Variants in USP25 observed in about 807,000 individuals in gnomAD.
The protein encoded by USP25 is ubiquitin specific peptidase 25, also known as ubiquitin carboxyl-terminal hydrolase 25.
Under a neutral mutation model 158.5 loss-of-function variants are expected in USP25, and 85 were observed. The ratio of observed to expected loss-of-function variants is 0.54; its 90% CI spans 0.45 to 0.64. The LOEUF is 0.64. USP25 is among the 30% of genes least tolerant of loss of function. USP25 has a pLI of 0.00. For synonymous variants in USP25, 464 were observed against 460.4 expected (o/e 1.01, Z -0.10); for missense variants, 1,242 against 1,327.3 (o/e 0.94, Z 1.00).
chr21:15,789,937 C>T (rs1173990364), intron 4 of USP25, among the ~76,000 whole-genome samples: 2 of 151,918 alleles, frequency 1.3e-5, no homozygotes, highest in African/African-American at 4.8e-5. Flanking sequence ...TGAGCATAAA[C>T]CAGTCTTGAA....
intron 9 of USP25, among the ~76,000 whole-genome samples, chr21:15,815,612 T>C (rs1293891191): frequency 6.6e-6 from 1 of 152,160 alleles, no homozygotes; most frequent in Non-Finnish European, 1.5e-5. Context: ...AGCCTTAAAA[T>C]TTGACTGCCC....
At position 15,861,891 on chromosome 21, in the gene USP25, A is replaced by C. The variant is rs75859184; in HGVS notation, c.2548-2377A>C. On this transcript the variant is annotated intron_variant, in intron 20 of 25. Coordinates refer to ENST00000400183, the MANE Select transcript of USP25 (RefSeq NM_001283041.3). Reference sequence around the variant, plus strand: ...TACCTCTGCTGGTTTAAACACCTATATACTGAAAAATACTGTGACTTTGGC... The same window carrying C: ...TACCTCTGCTGGTTTAAACACCTATCTACTGAAAAATACTGTGACTTTGGC... 9.5e-3 allele frequency among the ~76,000 whole-genome samples: 1,441 copies of C among 152,240 alleles called. 20 individuals carry two copies. Among genetic ancestry groups the C allele is most frequent in the African/African-American group, 0.033 (1,371 of 41,560 alleles).
At position 15,843,853 on chromosome 21, in the gene USP25, TTAA is replaced by T. The variant is rs980555900; in HGVS notation, c.2337+1315_2337+1317del. The stretch of plus-strand genomic sequence containing the variant: ...TATTTGTTAAAGGCCTAAATTATGA[TTAA>T]TGAGTGTCACTTTTTAAGCTGGTAT... On this transcript the variant is annotated intron_variant, in intron 18 of 25. Coordinates refer to ENST00000400183, the MANE Select transcript of USP25 (RefSeq NM_001283041.3). The surrounding 1 kb of genome is among the most constrained non-coding windows in gnomAD (Gnocchi z 4.0). Among the ~76,000 whole-genome samples the T allele has an allele frequency of 7.2e-5, 11 of 152,172 alleles. No individual in the cohort carries two copies. Among genetic ancestry groups the T allele is most frequent in the African/African-American group, 2.7e-4 (11 of 41,462 alleles).
In USP25 at chr21:15,791,455, A is replaced by G. The variant is rs1193747090; in HGVS notation, c.393-47A>G. The G allele has an allele frequency of 3.9e-6, 6 of 1,519,544 alleles. No individual in the cohort carries two copies. The South Asian group carries it at 7.7e-5, about 20-fold the overall frequency. 94.1% of individuals were successfully genotyped at this position (1,519,544 alleles called of 1,614,324 possible). ...TTTTAGAATGTGTGATATGCCTGGG[A>G]TATATACCATTATATAATGCTGCAT... is the stretch of plus-strand genomic sequence containing the variant. On this transcript the variant is annotated intron_variant, in intron 4 of 25. Coordinates refer to ENST00000400183, the MANE Select transcript of USP25 (RefSeq NM_001283041.3).
intron 10 of USP25, among the ~76,000 whole-genome samples, chr21:15,823,141 A>G (rs1041843085): frequency 6.6e-6 from 1 of 152,174 alleles, no homozygotes; most frequent in Admixed American, 6.5e-5. Context: ...ATCACACACA[A>G]TAGATTATGC....
At chr21:15,792,080 T>C (rs2035618721) in intron 5 of USP25, among the ~76,000 whole-genome samples, 1 of 151,776 alleles carries the variant, frequency 6.6e-6, no homozygotes, top group Non-Finnish European at 1.5e-5. Flanking sequence ...TATAGACACT[T>C]AGTATTTTTA....
At chr21:15,830,848 C>G (rs550137776) in intron 15 of USP25, among the ~76,000 whole-genome samples, 1 of 151,942 alleles carries the variant, frequency 6.6e-6, no homozygotes, top group African/African-American at 2.4e-5. Context: ...ATTTTCACAC[C>G]GTATGTGTTG....
chr21:15,809,855 A>G (rs771933397), intron 8 of USP25, among the ~76,000 whole-genome samples: 4 of 152,304 alleles, frequency 2.6e-5, no homozygotes, highest in Admixed American at 6.5e-5. Context: ...ATGGTGTAAC[A>G]TGACCCCTTG....
At chr21:15,761,639 C>T (rs766273629) in intron 1 of USP25, among the ~76,000 whole-genome samples, 12 of 152,304 alleles carry the variant, frequency 7.9e-5, no homozygotes, top group Middle Eastern at 3.4e-3. Context: ...GCGTGCAGCC[C>T]CTCCCCAGTG....
intron 6 of USP25, among the ~76,000 whole-genome samples, chr21:15,800,829 A>T (rs1422712705): frequency 6.6e-6 from 1 of 151,432 alleles, no homozygotes; most frequent in Admixed American, 6.6e-5. Flanking sequence ...TTTTTCTGTA[A>T]ACACGTGAAA....
intron 10 of USP25, among the ~76,000 whole-genome samples, chr21:15,821,134 C>T (rs574312845): frequency 6.6e-6 from 1 of 152,052 alleles, no homozygotes; most frequent in African/African-American, 2.4e-5. Context: ...GTATTCACTA[C>T]TACCAGTGTG....
intron 1 of USP25, among the ~76,000 whole-genome samples, chr21:15,740,786 C>G (rs1053854898): frequency 6.7e-6 from 1 of 149,938 alleles, no homozygotes; most frequent in Non-Finnish European, 1.5e-5. Context: ...GATTAGTATT[C>G]TTTGTACAAT....
chr21:15,812,861 G>A (rs1306910853), intron 9 of USP25, among the ~76,000 whole-genome samples: 2 of 151,954 alleles, frequency 1.3e-5, no homozygotes, highest in African/African-American at 2.4e-5. Context: ...CAAACCAATG[G>A]TTCTTCATTA....
chr21:15,750,582 C>T lies in USP25; in HGVS notation c.46-12309C>T, dbSNP rs941357453. On this transcript the variant is annotated intron_variant, in intron 1 of 25. Coordinates refer to ENST00000400183, the MANE Select transcript of USP25 (RefSeq NM_001283041.3). Reference sequence around the variant, plus strand: ...TAAATAGTAGTTCTATGATAATGCTCAGCGTATATGGTTAACTTTTTCCCC... The same window carrying T: ...TAAATAGTAGTTCTATGATAATGCTTAGCGTATATGGTTAACTTTTTCCCC... Among the ~76,000 whole-genome samples, 8 of 151,698 alleles carry T rather than the reference C, an allele frequency of 5.3e-5. 1 individual carries two copies. The highest frequency in any genetic ancestry group is 4.6e-4 in the Admixed American group (7 of 15,234).
chr21:15,750,181 CGT>C (rs367779613), intron 1 of USP25, among the ~76,000 whole-genome samples: 1,441 of 126,680 alleles, frequency 0.011, 18 homozygotes, highest in East Asian at 0.02. Flanking sequence ...TCTCCAGTGC[CGT>C]GTGTGTGTGT....
intron 1 of USP25, among the ~76,000 whole-genome samples, chr21:15,761,715 C>A (rs1045791807): frequency 6.6e-6 from 1 of 152,164 alleles, no homozygotes; most frequent in Non-Finnish European, 1.5e-5. Context: ...GAAATGCAAA[C>A]CCTGGAAGCA....
chr21:15,757,436 C>A (rs993199617), intron 1 of USP25, among the ~76,000 whole-genome samples: 2 of 152,070 alleles, frequency 1.3e-5, no homozygotes, highest in Non-Finnish European at 2.9e-5. Context: ...GGATATTTGT[C>A]TGAATTTATA....
intron 19 of USP25, 42 bp downstream of exon 19, chr21:15,847,818 G>A (rs775779290): frequency 1.0e-4 from 140 of 1,358,852 alleles, no homozygotes; most frequent in Non-Finnish European, 1.3e-4. Flanking sequence ...CTTAACTTTT[G>A]CTATTTAATA....
chr21:15,741,242 T>G (rs566671166), intron 1 of USP25, among the ~76,000 whole-genome samples: 1 of 152,190 alleles, frequency 6.6e-6, no homozygotes, highest in Admixed American at 6.5e-5. Context: ...GGAGTAATAT[T>G]ATATAAATAT....
Sources: gnomAD v4.1 joint callset for allele counts (sites outside exome capture counted in the v4.1 genomes callset) on GRCh38, gnomAD v4.1.1 for gene constraint, Gnocchi (gnomAD v3.1) non-coding constraint, MANE v1.5 for transcripts, NCBI Gene and HGNC (gene_info 2026-07-23, HGNC 2026-07-21) for gene names.